SECTM1: variants seen among roughly 807,000 people sequenced by gnomAD.
SECTM1 encodes secreted and transmembrane protein 1.
SECTM1 carries 10 observed loss-of-function variants against 18.1 expected under a neutral mutation model. The ratio of observed to expected loss-of-function variants is 0.55; its 90% CI spans 0.34 to 0.94. SECTM1 has a LOEUF of 0.94. Ranked by LOEUF, SECTM1 falls within the 40% of genes least tolerant of loss-of-function variation. SECTM1 has a pLI of 0.02. For synonymous variants in SECTM1, 137 were observed against 139.2 expected, an observed-to-expected ratio of 0.98 and a Z score of 0.11; for missense variants, 297 against 322.6, an observed-to-expected ratio of 0.92 and a Z score of 0.61.
chr17:82,331,841 T>G (rs2052194034), intron 1 of SECTM1, among the ~76,000 whole-genome samples: 1 of 152,174 alleles, frequency 6.6e-6, no homozygotes, highest in African/African-American at 2.4e-5. Flanking sequence ...GCACGGAGCC[T>G]CAAAACTTCT....
chr17:82,331,601 G>T (rs929898497), intron 1 of SECTM1, among the ~76,000 whole-genome samples: 3 of 152,242 alleles, frequency 2.0e-5, no homozygotes, highest in African/African-American at 7.2e-5. Context: ...CTGCGTTTTT[G>T]TTGGCAGCTC....
chr17:82,328,225 C>A lies in SECTM1; in HGVS notation c.-52-933G>T, dbSNP rs1345407858. On this transcript the variant is annotated intron_variant, in intron 1 of 4. Coordinates refer to ENST00000269389, the MANE Select transcript of SECTM1 (RefSeq NM_003004.3). The surrounding 1 kb of genome is among the most constrained non-coding windows in gnomAD (Gnocchi z 5.8). ...GTCTCAGGCCTGCAAACACTAGGGGCCCCCTAGCTGTGTGGCTCCTCTCCC... is the reference window on the plus strand; with the variant it reads ...GTCTCAGGCCTGCAAACACTAGGGGACCCCTAGCTGTGTGGCTCCTCTCCC... 1 of 152,194 alleles carries A rather than the reference C, an allele frequency of 6.6e-6. No homozygotes were observed. Among genetic ancestry groups the A allele is most frequent in the Non-Finnish European group, 1.5e-5 (1 of 68,032 alleles). 9.4% of individuals were successfully genotyped at this position (152,194 alleles called of 1,614,324 possible). A position where few individuals can be genotyped will look rare whatever the true frequency, so the allele number is the denominator to read the frequency against.
intron 1 of SECTM1, among the ~76,000 whole-genome samples, chr17:82,332,386 G>A (rs1313171341): frequency 3.3e-5 from 5 of 152,170 alleles, no homozygotes; most frequent in East Asian, 1.9e-4. Context: ...CTGGTGCCCC[G>A]GGCGCCTGCC....
At chr17:82,324,522 C>CCCCCCCCCCCCTG in intron 3 of SECTM1, 60 bp downstream of exon 3, 1 of 653,024 alleles carries the variant, frequency 1.5e-6, no homozygotes, top group South Asian at 2.9e-5. Context: ...CCCAGGCCCC[C>CCCCCCCCCCCCTG]TCCCCTCCCC....
Position 82,329,998 on chromosome 17 carries a change from G to T in SECTM1, c.-52-2706C>A, listed in dbSNP as rs147091250. 3.2e-3 allele frequency among the ~76,000 whole-genome samples: 483 copies of T among 152,276 alleles called. 9 individuals are homozygous for T. The highest frequency in any genetic ancestry group is 4.1e-3 in the Non-Finnish European group (280 of 67,996). On this transcript the variant is annotated intron_variant, in intron 1 of 4. Coordinates refer to ENST00000269389, the MANE Select transcript of SECTM1 (RefSeq NM_003004.3). This position sits in a 1 kb window ranked among gnomAD's most constrained non-coding sequence, Gnocchi z 7.6. ...GGGATGAGGACGTGACATCTTTGGG[G>T]ACTGGTAGCCGACCACAGAACCCCC...
Position 82,325,006 on chromosome 17 carries a change from A to C in SECTM1, c.95-116T>G. ...GACAGGGCCTCTAAGGGACACAGTG[A>C]ACTATGTATACATCCACCCGACCCA... On this transcript the variant is annotated intron_variant, in intron 2 of 4. Transcript: ENST00000269389. This position sits in a 1 kb window ranked among gnomAD's most constrained non-coding sequence, Gnocchi z 7.6. The C allele has an allele frequency of 1.1e-6, 1 of 901,304 alleles. No homozygotes were observed. Among genetic ancestry groups the C allele is most frequent in the Non-Finnish European group, 1.7e-6 (1 of 602,214 alleles). 55.8% of individuals were successfully genotyped at this position (901,304 alleles called of 1,614,324 possible).
In SECTM1 at chr17:82,321,373, G is replaced by A. The variant is rs891432296; in HGVS notation, c.*788C>T. On this transcript the variant is annotated 3_prime_UTR_variant, in exon 5 of 5. Coordinates refer to ENST00000269389, the MANE Select transcript of SECTM1 (RefSeq NM_003004.3). The stretch of plus-strand genomic sequence containing the variant: ...GAACTTTTTCAAAGAACTGAAGGGG[G>A]ATTCCCGGTGATTTTTCCACCCCAT... The A allele has an allele frequency of 1.3e-5, 2 of 152,252 alleles. No individual in the cohort carries two copies. Among genetic ancestry groups the A allele is most frequent in the Non-Finnish European group, 2.9e-5 (2 of 68,040 alleles). 9.4% of individuals were successfully genotyped at this position (152,252 alleles called of 1,614,324 possible).
intron 1 of SECTM1, among the ~76,000 whole-genome samples, chr17:82,327,931 C>A (rs886705913): frequency 6.9e-6 from 1 of 145,622 alleles, no homozygotes; most frequent in Non-Finnish European, 1.5e-5. Context: ...AGCGGCCCCC[C>A]CAGCCCGTCC....
In SECTM1 at chr17:82,328,062, T is replaced by G. The variant is rs1363434347; in HGVS notation, c.-52-770A>C. On this transcript the variant is annotated intron_variant, in intron 1 of 4. Transcript: ENST00000269389. This position sits in a 1 kb window ranked among gnomAD's most constrained non-coding sequence, Gnocchi z 5.8. ...ACCAGCCCCCCTCCCGGGGCAGCAC[T>G]CAGTTGCGTTCCTTTCGAATCCATC... The G allele has an allele frequency of 7.2e-6, 1 of 139,782 alleles. No homozygotes were observed. The highest frequency in any genetic ancestry group is 2.7e-5 in the African/African-American group (1 of 37,438). 8.7% of individuals were successfully genotyped at this position (139,782 alleles called of 1,614,324 possible).
At position 82,330,245 on chromosome 17, in the gene SECTM1, G is replaced by A. The variant is rs952871959; in HGVS notation, c.-52-2953C>T. The stretch of plus-strand genomic sequence containing the variant: ...CCGCACCACCCCGCCGACCGTGTCC[G>A]GGAGGGGATGCCCTGCTGCTCTCCC... On this transcript the variant is annotated intron_variant, in intron 1 of 4. Transcript: ENST00000269389. The surrounding 1 kb of genome is among the most constrained non-coding windows in gnomAD (Gnocchi z 6.1). Among the ~76,000 whole-genome samples the A allele has an allele frequency of 3.9e-5, 6 of 152,298 alleles. No individual in the cohort carries two copies. The East Asian group carries it at 7.7e-4, about 20-fold the overall frequency.
chr17:82,321,914 G>GT lies in SECTM1; in HGVS notation c.*246dup, dbSNP rs772994127. The GT allele has an allele frequency of 1.3e-4, 71 of 528,972 alleles. No homozygotes were observed. The highest frequency in any genetic ancestry group is 2.2e-4 in the Non-Finnish European group (66 of 295,172). The allele number at this position is 528,972 out of a possible 1,614,324, so 32.8% of individuals were successfully genotyped here. A position where few individuals can be genotyped will look rare whatever the true frequency, so the allele number is the denominator to read the frequency against. Reference sequence around the variant, plus strand: ...GATGAGGGCAGAGGGAGGGGCATGCGTCCTGGTAAGTCGGGTGCTGCGGAG... The same window carrying GT: ...GATGAGGGCAGAGGGAGGGGCATGCGTTCCTGGTAAGTCGGGTGCTGCGGAG... On this transcript the variant is annotated 3_prime_UTR_variant, in exon 5 of 5. Coordinates refer to ENST00000269389, the MANE Select transcript of SECTM1 (RefSeq NM_003004.3).
At position 82,324,899 on chromosome 17, in the gene SECTM1, C is replaced by A. The variant is rs775420942; in HGVS notation, c.95-9G>T. The A allele has an allele frequency of 6.2e-7, 1 of 1,604,046 alleles. No individual in the cohort carries two copies. The highest frequency in any genetic ancestry group is 8.5e-7 in the Non-Finnish European group (1 of 1,174,000). On this transcript the variant is annotated splice_polypyrimidine_tract_variant and intron_variant, in intron 2 of 4. Transcript: ENST00000269389. ...GATGGGGCTGTCCCAGCCTGTAGGG[C>A]CAGACAGAGGCACACACGGATCAGG...
At chr17:82,324,542 CTCA>C in intron 3 of SECTM1, 37 bp downstream of exon 3, 1 of 1,328,730 alleles carries the variant, frequency 7.5e-7, no homozygotes, top group East Asian at 2.5e-5. Flanking sequence ...CGTGTCCCCT[CTCA>C]CTCCCCTCCC....
intron 3 of SECTM1, among the ~76,000 whole-genome samples, chr17:82,323,896 G>T (rs567734315): frequency 6.6e-6 from 1 of 151,862 alleles, no homozygotes; most frequent in Non-Finnish European, 1.5e-5. Context: ...GAGAAGGGTC[G>T]GGGGTGGTCC....
Position 82,330,179 on chromosome 17 carries a change from G to A in SECTM1, c.-52-2887C>T, listed in dbSNP as rs1267409570. On this transcript the variant is annotated intron_variant, in intron 1 of 4. Coordinates refer to ENST00000269389, the MANE Select transcript of SECTM1 (RefSeq NM_003004.3). The surrounding 1 kb of genome is among the most constrained non-coding windows in gnomAD (Gnocchi z 6.1). ...CACCTTGGAACCGTGCAGATGGACAGCAGGGAGGGTCGGGGCTGCTGGGGG... is the reference window on the plus strand; with the variant it reads ...CACCTTGGAACCGTGCAGATGGACAACAGGGAGGGTCGGGGCTGCTGGGGG... 6.6e-6 allele frequency among the ~76,000 whole-genome samples: 1 copy of A among 152,196 alleles called. No homozygotes were observed. Among genetic ancestry groups the A allele is most frequent in the Non-Finnish European group, 1.5e-5 (1 of 68,020 alleles).
intron 1 of SECTM1, among the ~76,000 whole-genome samples, chr17:82,332,390 G>A (rs562357621): frequency 2.0e-5 from 3 of 152,250 alleles, no homozygotes; most frequent in South Asian, 2.1e-4. Context: ...TGCCCCGGGC[G>A]CCTGCCTGTC....
rs1425489223 is a variant in SECTM1, at chr17:82,325,838, C to T, written c.95-948G>A. 1.3e-5 allele frequency among the ~76,000 whole-genome samples: 2 copies of T among 152,246 alleles called. No homozygotes were observed. Among genetic ancestry groups the T allele is most frequent in the Non-Finnish European group, 2.9e-5 (2 of 68,040 alleles). On this transcript the variant is annotated intron_variant, in intron 2 of 4. Transcript: ENST00000269389. This position sits in a 1 kb window ranked among gnomAD's most constrained non-coding sequence, Gnocchi z 7.6. ...ACGGACAGACGGACGGCAGGGTGAG[C>T]TCTCGGGGAGCACACAGCATGCTGG...
chr17:82,324,720 C>T lies in SECTM1; in HGVS notation c.265G>A (p.Asp89Asn), dbSNP rs1395631214. ...CCCTGAACCTGGAGCTGCCAGCCGT[C>T]CCGGGAGAAGTAGCCTGGAGCCACC... The part of the protein sequence containing the change: ...NEVAPGYFSR[D>N]GWQLQVQGGV... The change falls in exon 3 of 5, where the codon GAC (aspartate) becomes AAC (asparagine). Residue 89 changes from aspartate (D) to asparagine (N), a missense_variant. Asp to Asn is a conservative substitution (Grantham distance 23). Transcript: ENST00000269389. 1 of 1,614,180 alleles carries T rather than the reference C, an allele frequency of 6.2e-7. No homozygotes were observed. The highest frequency in any genetic ancestry group is 1.3e-5 in the African/African-American group (1 of 75,020).
chr17:82,333,350 C>CCCTTCAA (rs2052207504), intron 1 of SECTM1, among the ~76,000 whole-genome samples: 1 of 152,156 alleles, frequency 6.6e-6, no homozygotes, highest in Admixed American at 6.5e-5. Context: ...CTTCAAGAGT[C>CCCTTCAA]GAGCCTGGCG....
Sources: gnomAD v4.1 joint callset for allele counts (sites outside exome capture counted in the v4.1 genomes callset) on GRCh38, gnomAD v4.1.1 for gene constraint, Gnocchi (gnomAD v3.1) non-coding constraint, MANE v1.5 for transcripts, NCBI Gene and HGNC (gene_info 2026-07-23, HGNC 2026-07-21) for gene names.